The following RBFOX1 variants were observed in gnomAD, a reference collection of about 807,000 sequenced individuals.
RBFOX1 encodes RNA binding protein fox-1 homolog 1.
Under a neutral mutation model 57.7 loss-of-function variants are expected in RBFOX1, and 8 were observed. The ratio of observed to expected loss-of-function variants is 0.14; its 90% CI spans 0.08 to 0.25. The LOEUF (loss-of-function observed/expected upper bound fraction) is 0.25. Among genes scored for constraint, RBFOX1 ranks in the 10% least tolerant of loss-of-function variants. The pLI, the probability that RBFOX1 is intolerant of heterozygous loss-of-function variation, is 1.00. For missense variants in RBFOX1, 611 were observed against 548.5 expected (o/e 1.11, Z -1.14); for synonymous variants, 326 against 222.4 (o/e 1.47, Z -4.15).
At chr16:6,110,195 C>CTT (rs3049169) in intron 1 of RBFOX1, among the ~76,000 whole-genome samples, 70,719 of 127,744 alleles carry the variant, frequency 0.55, 19,396 homozygotes, top group South Asian at 0.65. Context: ...TTTTCTTCTT[C>CTT]TTTTTTTTTT....
chr16:6,640,909 C>A (rs1365272133), intron 2 of RBFOX1, among the ~76,000 whole-genome samples: 1 of 152,028 alleles, frequency 6.6e-6, no homozygotes, highest in Non-Finnish European at 1.5e-5. Flanking sequence ...CACCAGAAAC[C>A]CCAGGTAGGC....
intron 3 of RBFOX1, among the ~76,000 whole-genome samples, chr16:5,637,578 G>A (rs546475658): frequency 6.6e-6 from 1 of 152,298 alleles, no homozygotes; most frequent in East Asian, 1.9e-4. Flanking sequence ...TTTAATTGCT[G>A]TTCATATGTT....
intron 10 of RBFOX1, among the ~76,000 whole-genome samples, chr16:7,615,477 G>A (rs2058291277): frequency 6.6e-6 from 1 of 152,148 alleles, no homozygotes. Context: ...CCTTCGATTT[G>A]CAGGTAAATT....
chr16:7,492,798 G>T (rs1350568784), intron 4 of RBFOX1, among the ~76,000 whole-genome samples: 1 of 152,106 alleles, frequency 6.6e-6, no homozygotes, highest in Non-Finnish European at 1.5e-5. Context: ...CTCACCATGT[G>T]ACATGCCTGC....
chr16:5,600,316 TA>T (rs941637896), downstream of RBFOX1, among the ~76,000 whole-genome samples: 17 of 138,828 alleles, frequency 1.2e-4, no homozygotes, highest in Middle Eastern at 3.8e-3. Flanking sequence ...TAAAAAAAAA[TA>T]AAAAAAAAAC....
chr16:5,996,866 T>C (rs1284914776), intron 4 of RBFOX1, among the ~76,000 whole-genome samples: 2 of 152,242 alleles, frequency 1.3e-5, no homozygotes, highest in South Asian at 2.1e-4. Context: ...AAACCCACTG[T>C]TGTAAAGAAA....
At chr16:7,194,490 T>C (rs1012909628) in intron 4 of RBFOX1, among the ~76,000 whole-genome samples, 1 of 152,136 alleles carries the variant, frequency 6.6e-6, no homozygotes, top group Non-Finnish European at 1.5e-5. Context: ...AAAATCTAGC[T>C]CTTTGGGGCT....
chr16:5,397,375 G>C (rs1213771397), intron 1 of RBFOX1, among the ~76,000 whole-genome samples: 2 of 152,144 alleles, frequency 1.3e-5, no homozygotes, highest in Non-Finnish European at 2.9e-5. Context: ...GCATTTACTA[G>C]AACAGGATCA....
intron 3 of RBFOX1, among the ~76,000 whole-genome samples, chr16:5,856,520 C>G (rs1224666677): frequency 2.5e-5 from 3 of 122,430 alleles, no homozygotes; most frequent in Non-Finnish European, 5.0e-5. Context: ...ACCAACATCT[C>G]TCATTCATAT....
At chr16:7,625,375 T>C (rs1246797918) in intron 10 of RBFOX1, among the ~76,000 whole-genome samples, 2 of 152,284 alleles carry the variant, frequency 1.3e-5, no homozygotes, top group African/African-American at 2.4e-5. Flanking sequence ...GGTGGTTTCT[T>C]ATTACAGGAA....
At chr16:6,526,734 G>A (rs193078968) in intron 2 of RBFOX1, among the ~76,000 whole-genome samples, 6 of 147,456 alleles carry the variant, frequency 4.1e-5, no homozygotes, top group African/African-American at 1.5e-4. Flanking sequence ...GGAGGCTGAG[G>A]CAGGAGAATG....
intron 3 of RBFOX1, among the ~76,000 whole-genome samples, chr16:6,932,220 C>G (rs117155404): frequency 1.3e-5 from 2 of 152,170 alleles, no homozygotes; most frequent in Admixed American, 6.5e-5. Context: ...TTCCCTGCCT[C>G]GGCCTCCCAA....
intron 3 of RBFOX1, among the ~76,000 whole-genome samples, chr16:6,738,453 G>A (rs1271540390): frequency 1.3e-5 from 2 of 152,062 alleles, no homozygotes; most frequent in Non-Finnish European, 2.9e-5. Context: ...TTCTGAATGT[G>A]TATGTATCGA....
At position 6,803,410 on chromosome 16, in the gene RBFOX1, G is replaced by A. The variant is rs147681376; in HGVS notation, c.-16+148760G>A. Among the ~76,000 whole-genome samples the A allele has an allele frequency of 4.3e-3, 652 of 152,244 alleles. 5 individuals carry two copies. The highest frequency in any genetic ancestry group is 4.1e-3 in the Non-Finnish European group (281 of 68,026). ...CAATCTGGAAACCTTTCCCAGTGAA[G>A]GGAGAAAGTGAGAGTGGCGTTCTGG... On this transcript the variant is annotated intron_variant, in intron 3 of 15. Coordinates refer to ENST00000550418, the MANE Select transcript of RBFOX1 (RefSeq NM_018723.4).
intron 4 of RBFOX1, among the ~76,000 whole-genome samples, chr16:7,235,546 T>C (rs1329315214): frequency 6.6e-6 from 1 of 152,160 alleles, no homozygotes. Flanking sequence ...CTTATGTACA[T>C]TGAATGGATG....
At chr16:6,890,321 C>G (rs2065103948) in intron 3 of RBFOX1, among the ~76,000 whole-genome samples, 1 of 152,092 alleles carries the variant, frequency 6.6e-6, no homozygotes, top group South Asian at 2.1e-4. Flanking sequence ...GAGTTCAAGA[C>G]CAGCCTGGCC....
intron 4 of RBFOX1, among the ~76,000 whole-genome samples, chr16:7,169,408 C>T (rs1457968056): frequency 6.6e-6 from 1 of 152,166 alleles, no homozygotes; most frequent in East Asian, 1.9e-4. Flanking sequence ...ATCCACTGTG[C>T]ATTTGCACGA....
chr16:7,569,140 G>A (rs1005746333), intron 5 of RBFOX1, among the ~76,000 whole-genome samples: 8 of 152,086 alleles, frequency 5.3e-5, no homozygotes, highest in African/African-American at 1.9e-4. Context: ...TGACAGTGAT[G>A]AAAATGTTCT....
chr16:7,012,199 G>A (rs189284501), intron 3 of RBFOX1, among the ~76,000 whole-genome samples: 14 of 152,274 alleles, frequency 9.2e-5, no homozygotes, highest in Non-Finnish European at 8.8e-5. Flanking sequence ...GGGAGCTCTT[G>A]CGGGTGTTTT....
Sources: allele counts gnomAD v4.1 joint callset (sites outside exome capture counted in the v4.1 genomes callset), GRCh38; gene constraint gnomAD v4.1.1; transcripts MANE v1.5; gene names NCBI Gene and HGNC (gene_info 2026-07-23, HGNC 2026-07-21).